The following DGAT2 variants were observed in gnomAD, a reference collection of about 807,000 sequenced individuals.
The protein encoded by DGAT2 is diacylglycerol O-acyltransferase 2.
In DGAT2, 33 loss-of-function variants were observed where a neutral mutation model predicts 48.4. The observed-to-expected ratio is 0.68, with a 90% CI of 0.52 to 0.91. The LOEUF is 0.91. DGAT2 is among the 40% of genes least tolerant of loss of function. The pLI is 0.00. For synonymous variants in DGAT2, 191 were observed against 194.1 expected (o/e 0.98, Z 0.13); for missense variants, 446 against 493.7 (o/e 0.90, Z 0.92).
chr11:75,791,454 A>G (rs1350653452), intron 4 of DGAT2, among the ~76,000 whole-genome samples: 1 of 152,264 alleles, frequency 6.6e-6, no homozygotes, highest in East Asian at 1.9e-4. Flanking sequence ...CTAACTGCAG[A>G]AAATTTGAAG....
chr11:75,797,029 C>T, intron 5 of DGAT2, 129 bp from the exon 6 acceptor site: 4 of 908,298 alleles, frequency 4.4e-6, no homozygotes, highest in Non-Finnish European at 3.2e-6. Flanking sequence ...AACCAGACAA[C>T]TCCAAAGGGG....
chr11:75,795,201 T>A (rs1428994805), intron 4 of DGAT2: 1 of 152,058 alleles, frequency 6.6e-6, no homozygotes, highest in Non-Finnish European at 1.5e-5. Flanking sequence ...ATTTCTGTAT[T>A]TTTGTAGAGA....
At chr11:75,783,172 C>CAGTGA (rs1944886048) in intron 1 of DGAT2, among the ~76,000 whole-genome samples, 1 of 152,176 alleles carries the variant, frequency 6.6e-6, no homozygotes, top group Non-Finnish European at 1.5e-5. Flanking sequence ...CCAATTTGTG[C>CAGTGA]ACTGAGGATG....
intron 2 of DGAT2, 148 bp from the exon 3 acceptor site, chr11:75,790,040 G>A (rs1944967670): frequency 4.5e-6 from 3 of 664,196 alleles, no homozygotes; most frequent in South Asian, 3.5e-5. Context: ...GAACATTCCT[G>A]TAGCTATTTC....
chr11:75,777,316 G>T (rs867080865), intron 1 of DGAT2, among the ~76,000 whole-genome samples: 12 of 152,150 alleles, frequency 7.9e-5, no homozygotes, highest in African/African-American at 2.9e-4. Flanking sequence ...CAGGGACAGG[G>T]AGTGATTTGC....
chr11:75,782,517 G>C (rs1944877301), intron 1 of DGAT2, among the ~76,000 whole-genome samples: 1 of 152,194 alleles, frequency 6.6e-6, no homozygotes, highest in African/African-American at 2.4e-5. Flanking sequence ...ATCCAGCATG[G>C]CTCAGGAGGC....
intron 2 of DGAT2, among the ~76,000 whole-genome samples, chr11:75,785,644 C>T (rs1944914171): frequency 6.6e-6 from 1 of 152,232 alleles, no homozygotes; most frequent in African/African-American, 2.4e-5. Context: ...GCAGATGAAC[C>T]TGCTCCAGAG....
At chr11:75,780,573 C>T (rs554475737) in intron 1 of DGAT2, among the ~76,000 whole-genome samples, 140 of 152,310 alleles carry the variant, frequency 9.2e-4, no homozygotes, top group South Asian at 2.1e-3. Flanking sequence ...ACTCTACCTG[C>T]TGTAGAAGAT....
intron 4 of DGAT2, 60 bp downstream of exon 4, chr11:75,790,791 G>A: frequency 6.3e-7 from 1 of 1,580,528 alleles, no homozygotes; most frequent in South Asian, 1.1e-5. Context: ...CTGAACTCAG[G>A]CCTTAACCCA....
chr11:75,774,265 C>T lies in DGAT2; in HGVS notation c.121+5153C>T, dbSNP rs11236529. Among the ~76,000 whole-genome samples, 161 of 152,324 alleles carry T rather than the reference C, an allele frequency of 1.1e-3. 2 individuals are homozygous for T. In the East Asian group the frequency reaches 0.025, roughly 24 times the overall value. ...AGTCAGGCCTGGGCTCTGTCCAGCT[C>T]CTGCTTGGCCACCGAACTGCTCCGC... On this transcript the variant is annotated intron_variant, in intron 1 of 7. Transcript: ENST00000228027.
At chr11:75,781,146 C>G (rs1451647153) in intron 1 of DGAT2, among the ~76,000 whole-genome samples, 1 of 152,224 alleles carries the variant, frequency 6.6e-6, no homozygotes, top group African/African-American at 2.4e-5. Context: ...ACTTTATCTT[C>G]AAATAGGTTA....
chr11:75,787,114 T>TTGTTATTTA (rs1199923209), intron 2 of DGAT2, among the ~76,000 whole-genome samples: 1 of 152,194 alleles, frequency 6.6e-6, no homozygotes, highest in East Asian at 1.9e-4. Context: ...GAAAATACCT[T>TTGTTATTTA]TGTTATTTAT....
chr11:75,769,874 G>A (rs1944740029), intron 1 of DGAT2, among the ~76,000 whole-genome samples: 1 of 152,042 alleles, frequency 6.6e-6, no homozygotes, highest in Non-Finnish European at 1.5e-5. Flanking sequence ...CCTGGTCTGC[G>A]TGTGTGTCTT....
intron 1 of DGAT2, among the ~76,000 whole-genome samples, chr11:75,782,529 G>A (rs1944877465): frequency 6.6e-6 from 1 of 152,232 alleles, no homozygotes; most frequent in Non-Finnish European, 1.5e-5. Flanking sequence ...TCAGGAGGCA[G>A]AGCCAGCTGC....
chr11:75,788,452 G>A (rs1359269067), intron 2 of DGAT2, among the ~76,000 whole-genome samples: 2 of 152,092 alleles, frequency 1.3e-5, no homozygotes, highest in Non-Finnish European at 2.9e-5. Context: ...TGGACATCTC[G>A]TCACTCTGTA....
intron 1 of DGAT2, among the ~76,000 whole-genome samples, chr11:75,773,041 A>T (rs965063410): frequency 3.9e-5 from 6 of 152,226 alleles, no homozygotes; most frequent in African/African-American, 1.4e-4. Context: ...CCTTGGAAAC[A>T]GGAACCTTGT....
chr11:75,769,682 GC>G (rs1481478392), intron 1 of DGAT2, among the ~76,000 whole-genome samples: 1 of 151,402 alleles, frequency 6.6e-6, no homozygotes, highest in Non-Finnish European at 1.5e-5. Flanking sequence ...ATCAACCCCC[GC>G]CCCGCACCCC....
chr11:75,800,389 C>G lies in DGAT2; in HGVS notation c.1048C>G (p.Pro350Ala), dbSNP rs760720423. 4.3e-6 allele frequency: 7 copies of G among 1,614,026 alleles called. No individual in the cohort carries two copies. The highest frequency in any genetic ancestry group is 5.9e-6 in the Non-Finnish European group (7 of 1,180,042). The change falls in exon 8 of 8, where the codon CCA (proline) becomes GCA (alanine). Residue 350 changes from proline to alanine, a missense_variant. Pro to Ala is a conservative substitution (Grantham distance 27). Transcript: ENST00000228027. The stretch of plus-strand genomic sequence containing the variant: ...CATCACCATCCCCAAGCTGGAGCAC[C>G]CAACCCAGCAAGACATCGACCTGTA... Reference protein sequence around the residue: ...EPITIPKLEHPTQQDIDLYHT... With the variant: ...EPITIPKLEHATQQDIDLYHT...
intron 1 of DGAT2, among the ~76,000 whole-genome samples, chr11:75,777,660 T>C (rs1161102703): frequency 2.0e-5 from 3 of 152,152 alleles, no homozygotes; most frequent in African/African-American, 7.2e-5. Flanking sequence ...TCTCGGCCCC[T>C]GTTTTCGGCA....
Sources: allele counts gnomAD v4.1 joint callset (sites outside exome capture counted in the v4.1 genomes callset), GRCh38; gene constraint gnomAD v4.1.1; transcripts MANE v1.5; gene names NCBI Gene and HGNC (gene_info 2026-07-23, HGNC 2026-07-21).